MRPL3: variants seen among roughly 807,000 people sequenced by gnomAD.
MRPL3 encodes the protein large ribosomal subunit protein uL3m.
In MRPL3, 43 loss-of-function variants were observed where a neutral mutation model predicts 44.3. That is an observed-to-expected ratio of 0.97 (90% CI 0.76 to 1.25). The LOEUF (loss-of-function observed/expected upper bound fraction) is 1.25, where lower values mean the gene tolerates loss of function less well. Ranked by LOEUF, MRPL3 falls within the 50% of genes most tolerant of loss-of-function variation. The probability of loss-of-function intolerance (pLI) is 0.00; values close to 1 mark genes in which losing one functional copy is unlikely to be tolerated. For missense variants in MRPL3, 406 were observed against 427.6 expected (o/e 0.95, Z 0.45); for synonymous variants, 171 against 152.3 (o/e 1.12, Z -0.91).
chr3:131,467,291 T>A (rs1359230554), intron 9 of MRPL3, among the ~76,000 whole-genome samples: 4 of 152,070 alleles, frequency 2.6e-5, no homozygotes, highest in Non-Finnish European at 5.9e-5. Context: ...ATCTTCTTTA[T>A]CCATTCATTT....
At chr3:131,475,131 GATA>G (rs1250093248) in intron 6 of MRPL3, among the ~76,000 whole-genome samples, 1 of 151,930 alleles carries the variant, frequency 6.6e-6, no homozygotes, top group Non-Finnish European at 1.5e-5. Context: ...CCTTTTACTA[GATA>G]ATACATCAAC....
chr3:131,469,890 T>C, intron 7 of MRPL3, 117 bp from the exon 8 acceptor site: 1 of 632,398 alleles, frequency 1.6e-6, no homozygotes, highest in Non-Finnish European at 2.6e-6. Context: ...TTTCCCCTAT[T>C]CTGCTAGGTC....
chr3:131,475,111 A>G (rs1402313758), intron 6 of MRPL3, among the ~76,000 whole-genome samples: 1 of 152,068 alleles, frequency 6.6e-6, no homozygotes, highest in Non-Finnish European at 1.5e-5. Flanking sequence ...TAAAATGAAG[A>G]TTTTTCTCAC....
chr3:131,472,244 C>G (rs1266281830), intron 6 of MRPL3, among the ~76,000 whole-genome samples: 1 of 152,136 alleles, frequency 6.6e-6, no homozygotes, highest in Non-Finnish European at 1.5e-5. Flanking sequence ...TCAGAAGGAT[C>G]TTCATCTCAG....
intron 6 of MRPL3, among the ~76,000 whole-genome samples, chr3:131,485,912 G>A (rs989979603): frequency 2.6e-5 from 4 of 152,130 alleles, no homozygotes; most frequent in Admixed American, 2.6e-4. Flanking sequence ...CAGAGCATCT[G>A]TAAACAATGG....
chr3:131,469,471 T>C (rs1281033502), intron 8 of MRPL3, among the ~76,000 whole-genome samples: 5 of 151,286 alleles, frequency 3.3e-5, no homozygotes, highest in Admixed American at 3.3e-4. Context: ...CTTTAATGAC[T>C]GCACTTTTCA....
intron 5 of MRPL3, among the ~76,000 whole-genome samples, chr3:131,489,262 T>C (rs1934195924): frequency 6.6e-6 from 1 of 152,124 alleles, no homozygotes; most frequent in South Asian, 2.1e-4. Flanking sequence ...TGCCTTAAAA[T>C]TGCAAAATCT....
intron 6 of MRPL3, among the ~76,000 whole-genome samples, chr3:131,478,688 C>T (rs1459771504): frequency 1.3e-5 from 2 of 150,512 alleles, no homozygotes; most frequent in African/African-American, 2.4e-5. Flanking sequence ...TATCAAGTTG[C>T]ATCACCTGTG....
At chr3:131,463,297 A>G (rs1261845032) in intron 9 of MRPL3, among the ~76,000 whole-genome samples, 3 of 152,124 alleles carry the variant, frequency 2.0e-5, no homozygotes, top group Non-Finnish European at 4.4e-5. Flanking sequence ...TAAGGAAATC[A>G]GCTTACATTT....
Position 131,502,939 on chromosome 3 carries a change from C to CCGCCGGAACGGT in MRPL3, c.-130_-119dup. 1 of 940,376 alleles carries CCGCCGGAACGGT rather than the reference C, an allele frequency of 1.1e-6. No homozygotes were observed. Among genetic ancestry groups the CCGCCGGAACGGT allele is most frequent in the African/African-American group, 1.6e-5 (1 of 61,390 alleles). 58.3% of individuals were successfully genotyped at this position (940,376 alleles called of 1,614,324 possible). ...AGCCGTGGGGAAGTTTTCGCAATGG[C>CCGCCGGAACGGT]CGCCGGAACGGTCGCCGGCCGATGC... On this transcript the variant is annotated 5_prime_UTR_variant, in exon 1 of 10. Transcript: ENST00000264995.
intron 6 of MRPL3, among the ~76,000 whole-genome samples, chr3:131,486,443 A>AC (rs1179743375): frequency 6.8e-6 from 1 of 147,964 alleles, no homozygotes; most frequent in Non-Finnish European, 1.5e-5. Context: ...ATGGGAGAAA[A>AC]ATTTTTTTTT....
At chr3:131,471,093 T>TTTG in intron 7 of MRPL3, 78 bp downstream of exon 7, 1 of 991,636 alleles carries the variant, frequency 1.0e-6, no homozygotes, top group Non-Finnish European at 1.6e-6. Context: ...TGTGACTTCA[T>TTTG]ATCAAGGACG....
intron 4 of MRPL3, among the ~76,000 whole-genome samples, chr3:131,496,870 A>G (rs1371178228): frequency 6.6e-6 from 1 of 152,204 alleles, no homozygotes; most frequent in Non-Finnish European, 1.5e-5. Context: ...AACCTCACAC[A>G]CTACCTTGAT....
At chr3:131,496,488 C>A (rs970151778) in intron 4 of MRPL3, among the ~76,000 whole-genome samples, 3 of 152,188 alleles carry the variant, frequency 2.0e-5, no homozygotes, top group Non-Finnish European at 4.4e-5. Flanking sequence ...CAGTGATTTC[C>A]ACCACCACTT....
At chr3:131,489,227 T>C (rs1356278534) in intron 5 of MRPL3, among the ~76,000 whole-genome samples, 4 of 152,152 alleles carry the variant, frequency 2.6e-5, no homozygotes, top group Non-Finnish European at 5.9e-5. Flanking sequence ...TACTAATTTT[T>C]ATATTTGTTT....
At chr3:131,491,317 TA>T (rs778571134) in intron 4 of MRPL3, among the ~76,000 whole-genome samples, 19 of 152,250 alleles carry the variant, frequency 1.2e-4, no homozygotes, top group Middle Eastern at 3.4e-3. Context: ...CAGCAATGCT[TA>T]ACACAGGTGA....
chr3:131,487,857 C>T, intron 5 of MRPL3, 117 bp from the exon 6 acceptor site: 1 of 716,192 alleles, frequency 1.4e-6, no homozygotes, highest in South Asian at 1.9e-5. Flanking sequence ...GTAAGAGATT[C>T]TCTTCTGCAA....
intron 4 of MRPL3, among the ~76,000 whole-genome samples, chr3:131,497,259 T>C (rs1934389133): frequency 6.6e-6 from 1 of 152,242 alleles, no homozygotes; most frequent in Admixed American, 6.5e-5. Flanking sequence ...TTGAATGAGT[T>C]AGTTAACTGC....
intron 9 of MRPL3, among the ~76,000 whole-genome samples, chr3:131,465,891 C>CTTTTTTTTT (rs55635822): frequency 1.5e-5 from 2 of 133,346 alleles, no homozygotes; most frequent in Non-Finnish European, 1.5e-5. Context: ...CTTTTTCTCT[C>CTTTTTTTTT]TTTTTTTTTT....
Sources: gnomAD v4.1 joint callset for allele counts (sites outside exome capture counted in the v4.1 genomes callset) on GRCh38, gnomAD v4.1.1 for gene constraint, MANE v1.5 for transcripts, NCBI Gene and HGNC (gene_info 2026-07-23, HGNC 2026-07-21) for gene names.